KDM6A: variants seen among roughly 807,000 people sequenced by gnomAD.
KDM6A encodes lysine demethylase 6A, also known as lysine-specific demethylase 6A.
In KDM6A, 11 loss-of-function variants were observed where a neutral mutation model predicts 117.6. The ratio of observed to expected loss-of-function variants is 0.09; its 90% CI spans 0.06 to 0.15. The LOEUF is 0.15. Ranked by LOEUF, KDM6A falls within the 10% of genes least tolerant of loss-of-function variation. The pLI is 1.00. For missense variants in KDM6A, 799 were observed against 1,077.3 expected, an observed-to-expected ratio of 0.74 and a Z score of 3.62; for synonymous variants, 384 against 396.1, an observed-to-expected ratio of 0.97 and a Z score of 0.36.
At chrX:44,985,118 G>A (rs1198671730) in intron 4 of KDM6A, among the ~76,000 whole-genome samples, 1 of 109,978 alleles carries the variant, frequency 9.1e-6, no homozygotes, top group East Asian at 2.8e-4. Flanking sequence ...TCCTTGAAGA[G>A]GTCCTTCACG....
At chrX:44,980,744 A>G (rs1410747966) in intron 4 of KDM6A, among the ~76,000 whole-genome samples, 1 of 106,386 alleles carries the variant, frequency 9.4e-6, no homozygotes, top group Non-Finnish European at 1.9e-5. Flanking sequence ...GTCTGCAAAT[A>G]AAGAAAATTT....
chrX:45,053,932 C>T lies in KDM6A; in HGVS notation c.852C>T (p.Gly284=), dbSNP rs1324811841. The change falls in exon 10 of 30, where the codon GGC becomes GGT. Residue 284 remains glycine (G), a synonymous_variant. Coordinates refer to ENST00000611820, the MANE Select transcript of KDM6A (RefSeq NM_001291415.2). ...CCTTGGAAGCAGATCCTAATTCTGG[C>T]CAGTCCTGGTATTTCCTCGGAAGGT... ...QKSLEADPNS[G]QSWYFLGRCY... The T allele has an allele frequency of 3.3e-6, 4 of 1,206,861 alleles. No homozygotes were observed. Among genetic ancestry groups the T allele is most frequent in the Non-Finnish European group, 3.4e-6 (3 of 892,441 alleles).
chrX:44,942,182 G>A lies in KDM6A; in HGVS notation c.226-19102G>A, dbSNP rs756202062. On this transcript the variant is annotated intron_variant, in intron 2 of 29. Coordinates refer to ENST00000611820, the MANE Select transcript of KDM6A (RefSeq NM_001291415.2). The stretch of plus-strand genomic sequence containing the variant: ...CCTGAGTAGCTGGGATTACAGGTGC[G>A]CGCCACCACGCCCAGCTAATTTTTG... Among the ~76,000 whole-genome samples the A allele has an allele frequency of 2.3e-4, 25 of 109,604 alleles. No individual in the cohort carries two copies. In the South Asian group the frequency reaches 4.4e-3, roughly 19 times the overall value.
chrX:44,945,137 T>C lies in KDM6A; in HGVS notation c.226-16147T>C, dbSNP rs140371996. On this transcript the variant is annotated intron_variant, in intron 2 of 29. Transcript: ENST00000611820. ...GCATTTAGAAAGAAAAAAATAGGACTGTAGGTTGACAGAGTCGCCTTCCCC... is the reference window on the plus strand; with the variant it reads ...GCATTTAGAAAGAAAAAAATAGGACCGTAGGTTGACAGAGTCGCCTTCCCC... Among the ~76,000 whole-genome samples, 27 of 111,500 alleles carry C rather than the reference T, an allele frequency of 2.4e-4. No homozygotes were observed. In the East Asian group the frequency reaches 7.3e-3, roughly 30 times the overall value.
At chrX:44,989,378 G>A (rs1054790074) in intron 4 of KDM6A, among the ~76,000 whole-genome samples, 44 of 107,106 alleles carry the variant, frequency 4.1e-4, no homozygotes, top group African/African-American at 1.4e-3. Flanking sequence ...GCCCTGCTTC[G>A]GCTCACGCTC....
intron 2 of KDM6A, among the ~76,000 whole-genome samples, chrX:44,941,633 G>A (rs1044720292): frequency 2.8e-5 from 3 of 108,621 alleles, no homozygotes; most frequent in East Asian, 5.8e-4. Flanking sequence ...GGTACCCGCC[G>A]CCACACCCGG....
At chrX:45,077,716 T>C (rs887918781) in intron 19 of KDM6A, among the ~76,000 whole-genome samples, 2 of 111,834 alleles carry the variant, frequency 1.8e-5, no homozygotes, top group African/African-American at 3.2e-5. Context: ...TTCAGTCTGC[T>C]TTCTTTGATA....
At chrX:44,893,854 T>G (rs2033589629) in intron 2 of KDM6A, among the ~76,000 whole-genome samples, 1 of 111,499 alleles carries the variant, frequency 9.0e-6, no homozygotes, top group Admixed American at 9.6e-5. Flanking sequence ...TAATCTTGAA[T>G]AGAGGTTGGG....
intron 19 of KDM6A, 114 bp downstream of exon 19, chrX:45,076,940 A>T: frequency 4.3e-6 from 3 of 693,910 alleles, no homozygotes; most frequent in Non-Finnish European, 6.7e-6. Flanking sequence ...TATTGGCAGC[A>T]GATTAAATAG....
intron 3 of KDM6A, among the ~76,000 whole-genome samples, chrX:44,971,114 A>G (rs958352250): frequency 8.9e-6 from 1 of 111,824 alleles, no homozygotes; most frequent in African/African-American, 3.3e-5. Context: ...ACCATTGACT[A>G]CACAAACTCT....
chrX:45,041,401 C>T (rs1405364091), intron 8 of KDM6A, among the ~76,000 whole-genome samples: 2 of 101,985 alleles, frequency 2.0e-5, no homozygotes, highest in East Asian at 3.3e-4. Flanking sequence ...CCTCACCTCC[C>T]GGACGGGGCA....
rs1602353513 is a variant in KDM6A at position 44,961,140 on chromosome X, T to C, written c.226-144T>C. The C allele has an allele frequency of 1.4e-5, 6 of 430,633 alleles. No homozygotes were observed. The East Asian group carries it at 2.4e-4, about 17-fold the overall frequency. 35.5% of individuals were successfully genotyped at this position (430,633 alleles called of 1,213,427 possible). A position where few individuals can be genotyped will look rare whatever the true frequency, so the allele number is the denominator to read the frequency against. On this transcript the variant is annotated intron_variant, in intron 2 of 29. Transcript: ENST00000611820. ...AAGCTGTTCCTTCTATAGAATGTTG[T>C]ATTGAATATGTCTAAGATAGAAGTG...
chrX:44,893,001 T>TAAA (rs35013547), intron 2 of KDM6A, among the ~76,000 whole-genome samples: 11 of 50,219 alleles, frequency 2.2e-4, no homozygotes, highest in Admixed American at 9.0e-4. Flanking sequence ...AGACTCCATC[T>TAAA]AAAAAAAAAA....
At chrX:45,088,771 A>T (rs1351314252) in intron 25 of KDM6A, among the ~76,000 whole-genome samples, 4 of 113,072 alleles carry the variant, frequency 3.5e-5, no homozygotes, top group Non-Finnish European at 7.5e-5. Context: ...TATGTTGTTT[A>T]AAAAGTACTT....
chrX:45,037,939 C>T (rs2042886457), intron 8 of KDM6A, among the ~76,000 whole-genome samples: 1 of 111,754 alleles, frequency 8.9e-6, no homozygotes, highest in Non-Finnish European at 1.9e-5. Flanking sequence ...GATCCATTTG[C>T]GGCTGGGCGC....
intron 2 of KDM6A, among the ~76,000 whole-genome samples, chrX:44,877,014 C>T (rs1486362168): frequency 4.5e-5 from 5 of 111,480 alleles, no homozygotes; most frequent in African/African-American, 1.3e-4. Flanking sequence ...CACACGTATA[C>T]GTGTATACAT....
intron 27 of KDM6A, among the ~76,000 whole-genome samples, chrX:45,091,720 T>G (rs1332618341): frequency 8.9e-6 from 1 of 112,192 alleles, no homozygotes; most frequent in Non-Finnish European, 1.9e-5. Flanking sequence ...AAAAGCTCAT[T>G]TTGGGATACA....
chrX:44,946,120 G>A (rs2037618562), intron 2 of KDM6A, among the ~76,000 whole-genome samples: 1 of 112,539 alleles, frequency 8.9e-6, no homozygotes, highest in Non-Finnish European at 1.9e-5. Flanking sequence ...CTTTCGAGAT[G>A]AAGTCTTGCT....
intron 4 of KDM6A, among the ~76,000 whole-genome samples, chrX:44,995,495 A>C (rs112998786): frequency 0.041 from 4,530 of 110,297 alleles, 83 homozygotes; most frequent in Middle Eastern, 0.085. Context: ...TTTGAGACGG[A>C]GTCTTGCTCT....
Sources: gnomAD v4.1 joint callset for allele counts (sites outside exome capture counted in the v4.1 genomes callset) on GRCh38, gnomAD v4.1.1 for gene constraint, MANE v1.5 for transcripts, NCBI Gene and HGNC (gene_info 2026-07-23, HGNC 2026-07-21) for gene names.